The following PSG4 variants were observed in gnomAD, a reference collection of about 807,000 sequenced individuals.
The protein encoded by PSG4 is pregnancy-specific beta-1-glycoprotein 4.
PSG4 carries 61 observed loss-of-function variants against 44.3 expected under a neutral mutation model. The observed-to-expected ratio is 1.38, with a 90% CI of 1.12 to 1.70. The LOEUF is 1.70. PSG4 is among the 40% of genes most tolerant of loss of function. The probability of loss-of-function intolerance (pLI) is 0.00; values close to 1 mark genes in which losing one functional copy is unlikely to be tolerated. For synonymous variants in PSG4, 248 were observed against 191.3 expected (o/e 1.30, Z -2.45); for missense variants, 677 against 511.7 (o/e 1.32, Z -3.12).
rs888125836 is a variant in PSG4 at position 43,192,873 on chromosome 19, A to C, written c.*499T>G. Reference sequence around the variant, plus strand: ...TAGAAACCATCTTCTCTGCAAACACACAGGCAATATCTCTGTGTTCATTTC... The same window carrying C: ...TAGAAACCATCTTCTCTGCAAACACCCAGGCAATATCTCTGTGTTCATTTC... On this transcript the variant is annotated 3_prime_UTR_variant, in exon 6 of 6. Coordinates refer to ENST00000405312, the MANE Select transcript of PSG4 (RefSeq NM_002780.5). The C allele has an allele frequency of 3.2e-5, 9 of 279,994 alleles. No individual in the cohort carries two copies. The highest frequency in any genetic ancestry group is 6.1e-5 in the Non-Finnish European group (9 of 148,196). 17.3% of individuals were successfully genotyped at this position (279,994 alleles called of 1,614,324 possible).
At position 43,195,082 on chromosome 19, in the gene PSG4, T is replaced by G; in HGVS notation, c.901A>C (p.Thr301Pro). 1 of 1,611,292 alleles carries G rather than the reference T, an allele frequency of 6.2e-7. No homozygotes were observed. Among genetic ancestry groups the G allele is most frequent in the South Asian group, 1.1e-5 (1 of 90,980 alleles). ...ENRILILPNV[T>P]RNETGPYQCE... ...TGATAAGGTCCTGTTTCATTTCTCG[T>G]GACATTGGGTAGAATGAGGATCCTG... The change falls in exon 4 of 6, where the codon ACG (threonine) becomes CCG (proline). Residue 301 changes from threonine to proline, a missense_variant. By Grantham distance (38) the Thr-to-Pro change is conservative (BLOSUM62 -1). Coordinates refer to ENST00000405312, the MANE Select transcript of PSG4 (RefSeq NM_002780.5).
intron 2 of PSG4, among the ~76,000 whole-genome samples, chr19:43,200,128 A>T (rs1967436549): frequency 6.9e-6 from 1 of 145,832 alleles, no homozygotes; most frequent in African/African-American, 2.6e-5. Flanking sequence ...TGTTAAGCTC[A>T]GGAAATACCA....
chr19:43,204,361 CACAT>C, intron 1 of PSG4, 110 bp from the exon 2 acceptor site: 1 of 1,283,080 alleles, frequency 7.8e-7, no homozygotes, highest in Non-Finnish European at 1.1e-6. Context: ...CACAAACACA[CACAT>C]ACAAACACAT....
Position 43,202,849 on chromosome 19 carries a change from A to G in PSG4, c.430+1037T>C, listed in dbSNP as rs968222516. Among the ~76,000 whole-genome samples, 4 of 144,426 alleles carry G rather than the reference A, an allele frequency of 2.8e-5. 1 individual carries two copies. The highest frequency in any genetic ancestry group is 5.4e-5 in the African/African-American group (2 of 37,338). The allele number at this position is 144,426 out of a possible 152,430, so 94.7% of individuals were successfully genotyped here. On this transcript the variant is annotated intron_variant, in intron 2 of 5. Transcript: ENST00000405312. ...AGAGGATTTGAGCCAATAAATGACT[A>G]TGGGGTGCTTGGAACCCAGTAAGCC...
chr19:43,195,025 G>T lies in PSG4; in HGVS notation c.958C>A (p.Arg320Ser), dbSNP rs540660899. 9.3e-6 allele frequency: 15 copies of T among 1,611,890 alleles called. 1 individual carries two copies. In the African/African-American group the frequency reaches 1.9e-4, roughly 20 times the overall value. Residue 320 changes from arginine (R) to serine (S), a missense_variant, in exon 4 of 6, where the codon CGC becomes AGC. By Grantham distance (110) the Arg-to-Ser change is moderately radical (BLOSUM62 -1). Transcript: ENST00000405312. ...CEIRDRYGGI[R>S]SDPVTLNVLY... ...ACATTCAGGGTGACTGGGTCACTGCGGATGCCACCATATCGGTCCCGTATT... is the reference window on the plus strand; with the variant it reads ...ACATTCAGGGTGACTGGGTCACTGCTGATGCCACCATATCGGTCCCGTATT...
rs1355983128 is a variant in PSG4, at chr19:43,198,167, C to G, written c.539G>C (p.Trp180Ser). 7 of 1,587,840 alleles carry G rather than the reference C, an allele frequency of 4.4e-6. No homozygotes were observed. In the Admixed American group the frequency reaches 5.1e-5, roughly 12 times the overall value. Residue 180 changes from tryptophan (W) to serine (S), a missense_variant, in exon 3 of 6, where the codon TGG becomes TCG. Transcript: ENST00000405312. ...AGGGAGGCTCTGACCATTCATCCAC[C>G]ACTGGTAGCTTGCGGCTGGAGTCGC... is the stretch of plus-strand genomic sequence containing the variant. ...DPATPAASYQ[W>S]WMNGQSLPMT...
In PSG4 at chr19:43,194,684, C is replaced by A. The variant is rs2122291325; in HGVS notation, c.989-90G>T. 7 of 1,515,206 alleles carry A rather than the reference C, an allele frequency of 4.6e-6. 1 individual carries two copies. The highest frequency in any genetic ancestry group is 6.2e-6 in the Non-Finnish European group (7 of 1,128,506). The allele number at this position is 1,515,206 out of a possible 1,614,324, so 93.9% of individuals were successfully genotyped here. On this transcript the variant is annotated intron_variant, in intron 4 of 5. Transcript: ENST00000405312. ...TAAAGGGACACAGTTACCCTCTAAG[C>A]CAAGACACACCTTCAAGTCCCAGCC... is the stretch of plus-strand genomic sequence containing the variant.
Position 43,193,316 on chromosome 19 carries a change from G to T in PSG4, c.*56C>A, listed in dbSNP as rs933617576. 7.7e-5 allele frequency: 60 copies of T among 774,872 alleles called. 1 individual carries two copies. The highest frequency in any genetic ancestry group is 2.2e-4 in the Admixed American group (13 of 58,874). 48.0% of individuals were successfully genotyped at this position (774,872 alleles called of 1,614,324 possible). On this transcript the variant is annotated 3_prime_UTR_variant, in exon 6 of 6. Transcript: ENST00000405312. ...CTTATAGGGCTTCTGGAACAGAGTG[G>T]GTCTTGCTCTTCGTGATTCCATGGG...
At position 43,203,945 on chromosome 19, in the gene PSG4, A is replaced by T. The variant is rs1312855561; in HGVS notation, c.371T>A (p.Ile124Asn). The T allele has an allele frequency of 6.3e-7, 1 of 1,586,808 alleles. No individual in the cohort carries two copies. Among genetic ancestry groups the T allele is most frequent in the South Asian group, 1.1e-5 (1 of 89,850 alleles). ...TCCAGTCCCATCGCGTCGCTTTATGATGTGTAAGGTGTAGGATCCTGCATC... is the reference window on the plus strand; with the variant it reads ...TCCAGTCCCATCGCGTCGCTTTATGTTGTGTAAGGTGTAGGATCCTGCATC... ...QEDAGSYTLHIIKRRDGTGGV... is the reference protein window; with the variant it reads ...QEDAGSYTLHNIKRRDGTGGV... The change falls in exon 2 of 6, where the codon ATC becomes AAC. Residue 124 changes from isoleucine to asparagine, a missense_variant. Physicochemically the swap from Ile to Asn is moderately radical, Grantham distance 149. Coordinates refer to ENST00000405312, the MANE Select transcript of PSG4 (RefSeq NM_002780.5).
In PSG4 at chr19:43,204,070, A is replaced by C. The variant is rs144439205; in HGVS notation, c.246T>G (p.Tyr82Ter). The C allele has an allele frequency of 6.9e-6, 11 of 1,586,304 alleles. 1 individual carries two copies. Among genetic ancestry groups the C allele is most frequent in the Non-Finnish European group, 9.4e-6 (11 of 1,170,602 alleles). The change falls in exon 2 of 6, where the codon TAT becomes TAG. Residue 82 changes from tyrosine to a stop codon, truncating the protein, a stop_gained. Coordinates refer to ENST00000405312, the MANE Select transcript of PSG4 (RefSeq NM_002780.5). LOFTEE classifies it high-confidence loss of function. ...ATATAATTCTTTGACCGTCTACTAC[A>C]TATGATGTAATGTAATGGTAGAGGT... ...MTYLYHYITS[Y>*]VVDGQRIIYG...
rs1967089678 is a variant in PSG4 at position 43,193,315 on chromosome 19, G to T, written c.*57C>A. 1.3e-6 allele frequency: 1 copy of T among 774,910 alleles called. No homozygotes were observed. Among genetic ancestry groups the T allele is most frequent in the Middle Eastern group, 2.3e-4 (1 of 4,426 alleles). The allele number at this position is 774,910 out of a possible 1,614,324, so 48.0% of individuals were successfully genotyped here. ...GCTTATAGGGCTTCTGGAACAGAGT[G>T]GGTCTTGCTCTTCGTGATTCCATGG... On this transcript the variant is annotated 3_prime_UTR_variant, in exon 6 of 6. Transcript: ENST00000405312.
rs376824212 is a variant in PSG4, at chr19:43,194,401, G to A, written c.1182C>T (p.Cys394=). 8.9e-5 allele frequency: 144 copies of A among 1,612,320 alleles called. 2 individuals are homozygous for A. The highest frequency in any genetic ancestry group is 1.2e-4 in the Non-Finnish European group (142 of 1,179,106). Residue 394 remains cysteine, a synonymous_variant, in exon 5 of 6, where the codon TGC becomes TGT. Coordinates refer to ENST00000405312, the MANE Select transcript of PSG4 (RefSeq NM_002780.5). ...ITTKHSGLYA[C]SVRNSATGKE... is the part of the protein sequence containing the mutation. Reference sequence around the variant, plus strand: ...TGCCAGTGGCTGAGTTACGAACAGAGCAAGCATAGAGCCCACTATGCTTTG... The same window carrying A: ...TGCCAGTGGCTGAGTTACGAACAGAACAAGCATAGAGCCCACTATGCTTTG...
At chr19:43,194,642 G>T (rs1279816832) in intron 4 of PSG4, 48 bp from the exon 5 acceptor site, 2 of 1,575,504 alleles carry the variant, frequency 1.3e-6, no homozygotes, top group South Asian at 2.4e-5. Context: ...CGAGGGAAGG[G>T]GATGTTCCTG....
In PSG4 at chr19:43,194,593, A is replaced by G; in HGVS notation, c.990T>C (p.Tyr330=). ...RSDPVTLNVL[Y]GPDLPSIYPS... The stretch of plus-strand genomic sequence containing the variant: ...GGTAAATGCTGGGGAGGTCTGGACC[A>G]TCTGGCGCAAAGAGAATAAAGCCAT... Residue 330 remains tyrosine (Y), a splice_region_variant and synonymous_variant, in exon 5 of 6, where the codon TAT becomes TAC. Transcript: ENST00000405312. 6.2e-7 allele frequency: 1 copy of G among 1,608,710 alleles called. No individual in the cohort carries two copies.
rs1346698654 is a variant in PSG4 at position 43,195,176 on chromosome 19, G to A, written c.807C>T (p.Tyr269=). Residue 269 remains tyrosine (Y), a synonymous_variant, in exon 4 of 6, where the codon TAC becomes TAT. Coordinates refer to ENST00000405312, the MANE Select transcript of PSG4 (RefSeq NM_002780.5). The stretch of plus-strand genomic sequence containing the variant: ...GACCATTTAGCCACCAAATGTAGGT[G>A]TAGTTCTTACTCTTAGGTTCACAGG... ...TFTCEPKSKN[Y]TYIWWLNGQS... 126 of 1,610,124 alleles carry A rather than the reference G, an allele frequency of 7.8e-5. 1 individual carries two copies. The highest frequency in any genetic ancestry group is 1.0e-4 in the Non-Finnish European group (121 of 1,178,868).
chr19:43,204,434 G>C (rs530092270), intron 1 of PSG4, 183 bp from the exon 2 acceptor site: 2 of 868,316 alleles, frequency 2.3e-6, no homozygotes, highest in South Asian at 2.0e-5. Flanking sequence ...ACTAGGTCAA[G>C]ATCAGCAGCA....
rs1967167039 is a variant in PSG4, at chr19:43,194,871, C to T, written c.988+124G>A. ...GTTTTCCCAGGGCAGGGAGTCATGG[C>T]CACCTCGGATGTCCAGAAGTAAAGG... On this transcript the variant is annotated intron_variant, in intron 4 of 5. Coordinates refer to ENST00000405312, the MANE Select transcript of PSG4 (RefSeq NM_002780.5). 9 of 1,529,626 alleles carry T rather than the reference C, an allele frequency of 5.9e-6. 1 individual carries two copies. Among genetic ancestry groups the T allele is most frequent in the Admixed American group, 2.1e-5 (1 of 48,138 alleles). 94.8% of individuals were successfully genotyped at this position (1,529,626 alleles called of 1,614,324 possible). A position where few individuals can be genotyped will look rare whatever the true frequency, so the allele number is the denominator to read the frequency against.
chr19:43,203,911 A>G lies in PSG4; in HGVS notation c.405T>C (p.Thr135=). 6.3e-7 allele frequency: 1 copy of G among 1,583,192 alleles called. No individual in the cohort carries two copies. Among genetic ancestry groups the G allele is most frequent in the Non-Finnish European group, 8.5e-7 (1 of 1,169,728 alleles). ...IKRRDGTGGV[T]GHFTFTLHLE... ...GGTGTAAGGTGAAGGTGAAATGTCC[A>G]GTTACTCCTCCAGTCCCATCGCGTC... The change falls in exon 2 of 6, where the codon ACT becomes ACC. Residue 135 remains threonine (T), a synonymous_variant. Transcript: ENST00000405312.
At position 43,193,176 on chromosome 19, in the gene PSG4, T is replaced by G; in HGVS notation, c.*196A>C. 1.4e-6 allele frequency: 1 copy of G among 740,098 alleles called. No individual in the cohort carries two copies. The highest frequency in any genetic ancestry group is 2.5e-6 in the Non-Finnish European group (1 of 404,276). 45.8% of individuals were successfully genotyped at this position (740,098 alleles called of 1,614,324 possible). On this transcript the variant is annotated 3_prime_UTR_variant, in exon 6 of 6. Transcript: ENST00000405312. ...GAAGTCATCAACTTGTTATCCTGGT[T>G]TACAGTTTGAGTAGCTGTTGTTATG...
Sources: allele counts gnomAD v4.1 joint callset (sites outside exome capture counted in the v4.1 genomes callset), GRCh38; gene constraint gnomAD v4.1.1; transcripts MANE v1.5; gene names NCBI Gene and HGNC (gene_info 2026-07-23, HGNC 2026-07-21).